PCDHA3: variants seen among roughly 807,000 people sequenced by gnomAD.
PCDHA3 encodes the protein protocadherin alpha 3, also known as protocadherin alpha-3.
PCDHA3 carries 41 observed loss-of-function variants against 62.2 expected under a neutral mutation model. The ratio of observed to expected loss-of-function variants is 0.66; its 90% CI spans 0.51 to 0.86. The LOEUF is 0.86. PCDHA3 is among the 40% of genes least tolerant of loss of function. The pLI, the probability that PCDHA3 is intolerant of heterozygous loss-of-function variation, is 0.00. For missense variants in PCDHA3, 1,304 were observed against 1,241.2 expected, an observed-to-expected ratio of 1.05 and a Z score of -0.76; for synonymous variants, 640 against 555.4, an observed-to-expected ratio of 1.15 and a Z score of -2.14.
intron 1 of PCDHA3, among the ~76,000 whole-genome samples, chr5:140,924,565 T>A (rs1213361312): frequency 2.0e-5 from 3 of 152,102 alleles, no homozygotes; most frequent in Admixed American, 2.0e-4. Flanking sequence ...TAATCAGCAA[T>A]TTTTAAATGT....
rs868991744 is a variant in PCDHA3, at chr5:140,897,794, G to C, written c.2395-81155G>C. ...CTTCCACAATGGTTGAACTAGTTTA[G>C]AGTCCCACCAACAGTGTAAAAGTGT... On this transcript the variant is annotated intron_variant, in intron 1 of 3. Coordinates refer to ENST00000522353, the MANE Select transcript of PCDHA3 (RefSeq NM_018906.3). 7.2e-4 allele frequency among the ~76,000 whole-genome samples: 109 copies of C among 152,066 alleles called. No homozygotes were observed. The South Asian group carries it at 0.011, about 15-fold the overall frequency.
rs1410749006 is a variant in PCDHA3, at chr5:140,810,474, C to CCTTATG, written c.2394+6884_2394+6885insTTATGC. On this transcript the variant is annotated intron_variant, in intron 1 of 3. Transcript: ENST00000522353. ...GTAGTGCATAAGGCTTTCTGCTGGG[C>CCTTATG]CACATCATCTCTACATTTGTCAGGT... 1.8e-4 allele frequency: 27 copies of CCTTATG among 152,302 alleles called. No homozygotes were observed. The East Asian group carries it at 4.6e-3, about 26-fold the overall frequency. The allele number at this position is 152,302 out of a possible 1,614,324, so 9.4% of individuals were successfully genotyped here.
At chr5:141,001,726 T>G (rs2098034769) in intron 3 of PCDHA3, among the ~76,000 whole-genome samples, 1 of 152,116 alleles carries the variant, frequency 6.6e-6, no homozygotes, top group Admixed American at 6.6e-5. Flanking sequence ...GCTTGAGATA[T>G]TTTACAACCT....
chr5:140,801,992 C>T lies in PCDHA3; in HGVS notation c.795C>T (p.Asn265=). Residue 265 remains asparagine (N), a synonymous_variant, in exon 1 of 4, where the codon AAC becomes AAT. Coordinates refer to ENST00000522353, the MANE Select transcript of PCDHA3 (RefSeq NM_018906.3). ...ATGGTACCCTAGTGGTGACCGTTAA[C>T]GCCACCGATTTGGATGAAGGAGTAA... ...APNGTLVVTV[N]ATDLDEGVNK... 6.2e-7 allele frequency: 1 copy of T among 1,614,182 alleles called. No individual in the cohort carries two copies. The highest frequency in any genetic ancestry group is 8.5e-7 in the Non-Finnish European group (1 of 1,180,040).
chr5:140,895,315 A>C (rs541841623), intron 1 of PCDHA3, among the ~76,000 whole-genome samples: 2 of 152,036 alleles, frequency 1.3e-5, no homozygotes, highest in East Asian at 1.9e-4. Flanking sequence ...TCCACCCATG[A>C]CTATTGTTCT....
chr5:140,961,027 C>G (rs1222428259), intron 1 of PCDHA3, among the ~76,000 whole-genome samples: 1 of 152,164 alleles, frequency 6.6e-6, no homozygotes, highest in Non-Finnish European at 1.5e-5. Flanking sequence ...CTTGCTACCT[C>G]CTTGTTTTGA....
intron 1 of PCDHA3, among the ~76,000 whole-genome samples, chr5:140,819,167 G>A (rs1766503722): frequency 6.6e-6 from 1 of 152,002 alleles, no homozygotes; most frequent in Non-Finnish European, 1.5e-5. Flanking sequence ...ATTAATTTTT[G>A]AAGAATCAAA....
intron 1 of PCDHA3, chr5:140,852,198 T>G (rs2150513327): frequency 1.4e-6 from 1 of 691,814 alleles, no homozygotes; most frequent in Non-Finnish European, 1.8e-6. Context: ...CCAGTAACGT[T>G]TATTTAAAAC....
Position 140,843,127 on chromosome 5 carries a change from C to G in PCDHA3, c.2394+39536C>G, listed in dbSNP as rs2150353470. 3 of 1,595,942 alleles carry G rather than the reference C, an allele frequency of 1.9e-6. No individual in the cohort carries two copies. The South Asian group carries it at 3.3e-5, about 18-fold the overall frequency. On this transcript the variant is annotated intron_variant, in intron 1 of 3. Transcript: ENST00000522353. The stretch of plus-strand genomic sequence containing the variant: ...TGCGCGCAGTGGACGCCGACTCGGG[C>G]TACAACGCGTGGCTTTCGTATGAGC...
chr5:140,922,605 A>G (rs1328283001), intron 1 of PCDHA3, among the ~76,000 whole-genome samples: 2 of 152,258 alleles, frequency 1.3e-5, no homozygotes, highest in African/African-American at 4.8e-5. Flanking sequence ...AGTTGAAGAT[A>G]TATTAAAACT....
intron 1 of PCDHA3, chr5:140,967,118 C>T: frequency 6.2e-7 from 1 of 1,612,940 alleles, no homozygotes; most frequent in Non-Finnish European, 8.5e-7. Context: ...GCCTCGCTGC[C>T]TGCTCAGCTT....
chr5:140,874,534 CA>C (rs782798422), intron 1 of PCDHA3, among the ~76,000 whole-genome samples: 5 of 152,202 alleles, frequency 3.3e-5, no homozygotes, highest in Non-Finnish European at 5.9e-5. Flanking sequence ...GATTAGGCTC[CA>C]AAACCCTTTA....
intron 1 of PCDHA3, chr5:140,870,040 A>C: frequency 6.2e-7 from 1 of 1,613,768 alleles, no homozygotes; most frequent in Non-Finnish European, 8.5e-7. Context: ...TGAAGAAAAC[A>C]AGTTTTATAA....
intron 1 of PCDHA3, chr5:140,870,634 G>C: frequency 6.2e-7 from 1 of 1,612,862 alleles, no homozygotes; most frequent in Non-Finnish European, 8.5e-7. Context: ...GTCGGTGCAC[G>C]CGGAGAGCGG....
intron 1 of PCDHA3, among the ~76,000 whole-genome samples, chr5:140,890,853 C>T (rs1202284942): frequency 1.3e-5 from 2 of 152,058 alleles, no homozygotes; most frequent in Non-Finnish European, 2.9e-5. Flanking sequence ...GTTTCTCTTC[C>T]TTACTTCTTG....
chr5:140,889,441 C>G (rs2062226063), intron 1 of PCDHA3, among the ~76,000 whole-genome samples: 2 of 151,842 alleles, frequency 1.3e-5, no homozygotes, highest in African/African-American at 2.4e-5. Flanking sequence ...CAGGTATTTT[C>G]CTGTTTAATC....
chr5:140,822,047 G>A, intron 1 of PCDHA3: 3 of 1,614,218 alleles, frequency 1.9e-6, no homozygotes, highest in Non-Finnish European at 2.5e-6. Context: ...CGGATCGACC[G>A]GGAGGAGCTG....
chr5:140,965,591 C>T (rs1440117062), intron 1 of PCDHA3, among the ~76,000 whole-genome samples: 1 of 151,692 alleles, frequency 6.6e-6, no homozygotes, highest in Non-Finnish European at 1.5e-5. Context: ...AATGGTTTTG[C>T]AGACTCTTGA....
Position 140,979,061 on chromosome 5 carries a change from A to G in PCDHA3, c.2453+54A>G, listed in dbSNP as rs374803810. 155 of 1,605,246 alleles carry G rather than the reference A, an allele frequency of 9.7e-5. No individual in the cohort carries two copies. The African/African-American group carries it at 1.8e-3, about 19-fold the overall frequency. On this transcript the variant is annotated intron_variant, in intron 2 of 3. Coordinates refer to ENST00000522353, the MANE Select transcript of PCDHA3 (RefSeq NM_018906.3). ...AAGTAACCTTAACTTGGTATGGCTC[A>G]GATAAACTGCATCTCCATAGGCCAG...
Sources: gnomAD v4.1 joint callset for allele counts (sites outside exome capture counted in the v4.1 genomes callset) on GRCh38, gnomAD v4.1.1 for gene constraint, MANE v1.5 for transcripts, NCBI Gene and HGNC (gene_info 2026-07-23, HGNC 2026-07-21) for gene names.